The following TMEM132D variants were observed in gnomAD, a reference collection of about 807,000 sequenced individuals.
TMEM132D encodes mature OL transmembrane protein.
TMEM132D carries 21 observed loss-of-function variants against 62.3 expected under a neutral mutation model. The ratio of observed to expected loss-of-function variants is 0.34; its 90% CI spans 0.24 to 0.49. TMEM132D has a LOEUF of 0.49. TMEM132D is among the 20% of genes least tolerant of loss of function. The pLI, the probability that TMEM132D is intolerant of heterozygous loss-of-function variation, is 0.99. For synonymous variants in TMEM132D, 621 were observed against 575.6 expected, an observed-to-expected ratio of 1.08 and a Z score of -1.13; for missense variants, 1,346 against 1,402.8, an observed-to-expected ratio of 0.96 and a Z score of 0.65.
At chr12:129,558,733 G>T (rs944980905) in intron 2 of TMEM132D, among the ~76,000 whole-genome samples, 1 of 152,138 alleles carries the variant, frequency 6.6e-6, no homozygotes, top group Non-Finnish European at 1.5e-5. Context: ...TAGTGCTGAG[G>T]CATTCTCCCC....
intron 5 of TMEM132D, among the ~76,000 whole-genome samples, chr12:129,140,062 A>AT (rs1300905875): frequency 2.0e-5 from 3 of 151,510 alleles, no homozygotes; most frequent in Admixed American, 6.6e-5. Flanking sequence ...CTTCTTTTTC[A>AT]TTTTTTTTAA....
chr12:129,598,195 C>T (rs1031521884), intron 2 of TMEM132D, among the ~76,000 whole-genome samples: 1 of 152,230 alleles, frequency 6.6e-6, no homozygotes, highest in African/African-American at 2.4e-5. Flanking sequence ...TCACACATTA[C>T]ATCTTCCATG....
intron 5 of TMEM132D, among the ~76,000 whole-genome samples, chr12:129,129,769 G>A (rs548797370): frequency 1.3e-5 from 2 of 152,056 alleles, no homozygotes; most frequent in African/African-American, 4.8e-5. Flanking sequence ...TCATGTTCTT[G>A]TTGGCCGCTC....
At chr12:129,369,703 A>T (rs890739242) in intron 3 of TMEM132D, among the ~76,000 whole-genome samples, 1 of 152,258 alleles carries the variant, frequency 6.6e-6, no homozygotes. Flanking sequence ...GCATGATGAA[A>T]GTGACATGAG....
intron 5 of TMEM132D, among the ~76,000 whole-genome samples, chr12:129,151,271 C>T (rs144673444): frequency 2.3e-3 from 350 of 152,248 alleles, no homozygotes; most frequent in Non-Finnish European, 3.8e-3. Context: ...ATGACTCAGG[C>T]GGGGTTATTC....
intron 3 of TMEM132D, among the ~76,000 whole-genome samples, chr12:129,403,944 G>A (rs995940204): frequency 6.6e-6 from 1 of 152,086 alleles, no homozygotes; most frequent in Non-Finnish European, 1.5e-5. Flanking sequence ...CATGTGCTTT[G>A]CGTGTTGGAG....
At chr12:129,689,692 T>C (rs994945699) in intron 2 of TMEM132D, among the ~76,000 whole-genome samples, 15 of 152,216 alleles carry the variant, frequency 9.9e-5, no homozygotes, top group African/African-American at 3.6e-4. Flanking sequence ...TAGGGCTTCA[T>C]GAGCCATACC....
rs541402471 is a variant in TMEM132D, at chr12:129,715,232, G to A, written c.80-14534C>T. Among the ~76,000 whole-genome samples, 5 of 152,124 alleles carry A rather than the reference G, an allele frequency of 3.3e-5. No individual in the cohort carries two copies. The East Asian group carries it at 9.7e-4, about 29-fold the overall frequency. ...AGAGAGACAGAGAAAGGTAAGGGGA[G>A]GAGGAAGAGGAGCATGAGCAGGAGG... On this transcript the variant is annotated intron_variant, in intron 1 of 8. Coordinates refer to ENST00000422113, the MANE Select transcript of TMEM132D (RefSeq NM_133448.3).
intron 2 of TMEM132D, among the ~76,000 whole-genome samples, chr12:129,621,022 T>C (rs934510326): frequency 1.3e-5 from 2 of 152,204 alleles, no homozygotes; most frequent in Admixed American, 1.3e-4. Context: ...GGTCACATCA[T>C]GCCCAGATCC....
At chr12:129,447,727 T>C (rs1287707708) in intron 3 of TMEM132D, among the ~76,000 whole-genome samples, 1 of 152,188 alleles carries the variant, frequency 6.6e-6, no homozygotes, top group Non-Finnish European at 1.5e-5. Flanking sequence ...AGTGAAGTTT[T>C]CTACATATGC....
intron 4 of TMEM132D, among the ~76,000 whole-genome samples, chr12:129,313,699 G>A (rs1448924393): frequency 6.6e-6 from 1 of 152,114 alleles, no homozygotes; most frequent in East Asian, 1.9e-4. Flanking sequence ...TTCGAATAAT[G>A]ACTTCTTTTC....
intron 3 of TMEM132D, among the ~76,000 whole-genome samples, chr12:129,450,549 C>G (rs181283910): frequency 6.6e-6 from 1 of 152,162 alleles, no homozygotes; most frequent in East Asian, 1.9e-4. Flanking sequence ...GAGTAAAATG[C>G]ACTCTAGTTT....
At chr12:129,892,246 T>C (rs985948684) in intron 1 of TMEM132D, among the ~76,000 whole-genome samples, 2 of 152,160 alleles carry the variant, frequency 1.3e-5, no homozygotes, top group African/African-American at 4.8e-5. Flanking sequence ...ATGCAGCTGT[T>C]TTTCTCCTGA....
intron 3 of TMEM132D, among the ~76,000 whole-genome samples, chr12:129,388,242 A>G (rs1242757277): frequency 7.8e-6 from 1 of 128,650 alleles, no homozygotes; most frequent in African/African-American, 2.8e-5. Context: ...TCCTAATATA[A>G]ACACTAACAC....
At position 129,152,548 on chromosome 12, in the gene TMEM132D, C is replaced by A. The variant is rs1026255443; in HGVS notation, c.1443+56972G>T. 2.6e-5 allele frequency among the ~76,000 whole-genome samples: 4 copies of A among 152,262 alleles called. No homozygotes were observed. The East Asian group carries it at 7.7e-4, about 29-fold the overall frequency. ...TGTCTGGAGGCTTTTTAATAATGAG[C>A]AGTTTGCCTGGGCTGAGGGCCATTT... On this transcript the variant is annotated intron_variant, in intron 5 of 8. Coordinates refer to ENST00000422113, the MANE Select transcript of TMEM132D (RefSeq NM_133448.3).
intron 3 of TMEM132D, among the ~76,000 whole-genome samples, chr12:129,524,627 T>C (rs1224289392): frequency 6.6e-6 from 1 of 152,104 alleles, no homozygotes; most frequent in Non-Finnish European, 1.5e-5. Flanking sequence ...ATGGCTAAGC[T>C]TTTATCTAGA....
chr12:129,583,353 T>C (rs1877932631), intron 2 of TMEM132D, among the ~76,000 whole-genome samples: 1 of 152,136 alleles, frequency 6.6e-6, no homozygotes, highest in African/African-American at 2.4e-5. Context: ...GGTGAGGATT[T>C]CACTAAGGAA....
intron 3 of TMEM132D, among the ~76,000 whole-genome samples, chr12:129,502,869 C>T (rs1377675474): frequency 1.3e-5 from 2 of 152,150 alleles, no homozygotes; most frequent in African/African-American, 2.4e-5. Flanking sequence ...TAGCTCTACC[C>T]CAAGAAAATG....
At chr12:129,741,390 T>C (rs1411554317) in intron 1 of TMEM132D, among the ~76,000 whole-genome samples, 1 of 152,216 alleles carries the variant, frequency 6.6e-6, no homozygotes, top group Non-Finnish European at 1.5e-5. Flanking sequence ...ACATTGTTTA[T>C]TAGTCTTCAA....
Sources: allele counts gnomAD v4.1 joint callset (sites outside exome capture counted in the v4.1 genomes callset), GRCh38; gene constraint gnomAD v4.1.1; transcripts MANE v1.5; gene names NCBI Gene and HGNC (gene_info 2026-07-23, HGNC 2026-07-21).